RANBP2: variants seen among roughly 807,000 people sequenced by gnomAD.
The protein encoded by RANBP2 is RAN binding protein 2.
RANBP2 carries 57 observed loss-of-function variants against 303.6 expected under a neutral mutation model. That is an observed-to-expected ratio of 0.19 (90% CI 0.15 to 0.23). RANBP2 has a LOEUF of 0.23. RANBP2 is among the 10% of genes least tolerant of loss of function. RANBP2 has a pLI of 1.00. For synonymous variants in RANBP2, 1,167 were observed against 1,301.5 expected (o/e 0.90, Z 2.23); for missense variants, 3,138 against 3,780.8 (o/e 0.83, Z 4.46).
chr2:108,761,234 A>G (rs1676710014), intron 18 of RANBP2, among the ~76,000 whole-genome samples: 1 of 148,798 alleles, frequency 6.7e-6, no homozygotes, highest in East Asian at 1.9e-4. Flanking sequence ...TCCTCCCCAT[A>G]GTAATTTCAA....
At chr2:109,468,128 G>A in the RANBP2 span, among the ~76,000 whole-genome samples, 2,480 of 152,306 alleles carry the variant, frequency 0.016, 70 homozygotes, top group African/African-American at 0.057. Flanking sequence ...AAAACGCGTC[G>A]TTTGGTGATT....
At chr2:109,614,548 G>C in the RANBP2 span, 1 of 1,318,640 alleles carries the variant, frequency 7.6e-7, no homozygotes, top group Non-Finnish European at 9.6e-7. Flanking sequence ...GCGGTGCTGC[G>C]CTTCCTGGCG....
the RANBP2 span, among the ~76,000 whole-genome samples, chr2:109,607,989 G>A: frequency 6.6e-6 from 1 of 152,320 alleles, no homozygotes; most frequent in East Asian, 1.9e-4. Context: ...TTCAATGTCT[G>A]TTTCTGAAGC....
At chr2:109,011,627 G>A in the RANBP2 span, among the ~76,000 whole-genome samples, 2 of 152,138 alleles carry the variant, frequency 1.3e-5, no homozygotes, top group African/African-American at 4.8e-5. Context: ...CTATGGAACT[G>A]CTGTTATGAG....
At chr2:109,224,586 A>C in the RANBP2 span, among the ~76,000 whole-genome samples, 1 of 152,198 alleles carries the variant, frequency 6.6e-6, no homozygotes. Context: ...TGCCAGGCGC[A>C]GTGGCTCACA....
At chr2:108,854,489 A>G in the RANBP2 span, among the ~76,000 whole-genome samples, 3 of 152,274 alleles carry the variant, frequency 2.0e-5, no homozygotes, top group East Asian at 3.9e-4. Context: ...TTTAGCTACT[A>G]TTGTTATCAG....
At chr2:108,887,467 G>A in the RANBP2 span, among the ~76,000 whole-genome samples, 7 of 152,078 alleles carry the variant, frequency 4.6e-5, no homozygotes, top group East Asian at 1.2e-3. Context: ...TTTGGGCAAC[G>A]TGGTTATTTT....
the RANBP2 span, among the ~76,000 whole-genome samples, chr2:109,318,432 A>C: frequency 2.0e-5 from 3 of 152,144 alleles, no homozygotes; most frequent in African/African-American, 7.2e-5. Context: ...GAATTGTGTG[A>C]GGCCTCCTCT....
the RANBP2 span, among the ~76,000 whole-genome samples, chr2:109,392,368 C>T: frequency 6.6e-6 from 1 of 152,172 alleles, no homozygotes. Context: ...GAACAGGTCA[C>T]TTAACCTCTC....
chr2:108,752,194 A>C (rs1310042900), intron 12 of RANBP2, among the ~76,000 whole-genome samples, 200 bp downstream of exon 12: 1 of 152,080 alleles, frequency 6.6e-6, no homozygotes, highest in Non-Finnish European at 1.5e-5. Flanking sequence ...AGTGAATGTT[A>C]CATATTAGCT....
At chr2:109,377,681 A>T in the RANBP2 span, among the ~76,000 whole-genome samples, 220 of 152,284 alleles carry the variant, frequency 1.4e-3, no homozygotes, top group Non-Finnish European at 9.6e-4. Flanking sequence ...GTTCCTGCTG[A>T]TGGCCATTTC....
the RANBP2 span, among the ~76,000 whole-genome samples, chr2:109,315,303 T>G: frequency 6.6e-6 from 1 of 152,146 alleles, no homozygotes; most frequent in African/African-American, 2.4e-5. Flanking sequence ...GGGCCCTGGG[T>G]CCAACACCAA....
chr2:109,539,934 T>TG, the RANBP2 span, among the ~76,000 whole-genome samples: 3 of 152,300 alleles, frequency 2.0e-5, no homozygotes, highest in Middle Eastern at 3.4e-3. Context: ...CACCAGTTGA[T>TG]GGACACTTGG....
chr2:109,183,747 A>T, the RANBP2 span, among the ~76,000 whole-genome samples: 1 of 152,228 alleles, frequency 6.6e-6, no homozygotes, highest in African/African-American at 2.4e-5. Context: ...TCCTCCCAGC[A>T]GCTCGGTCAG....
At chr2:109,588,305 G>A in the RANBP2 span, among the ~76,000 whole-genome samples, 1 of 152,134 alleles carries the variant, frequency 6.6e-6, no homozygotes, top group South Asian at 2.1e-4. Flanking sequence ...AAGATCATCA[G>A]AAAGGTAAAT....
the RANBP2 span, among the ~76,000 whole-genome samples, chr2:108,925,408 C>T: frequency 6.6e-6 from 1 of 152,346 alleles, no homozygotes; most frequent in East Asian, 1.9e-4. Flanking sequence ...GGATGCACAA[C>T]ACCCGGCTTT....
At chr2:109,482,837 G>A in the RANBP2 span, among the ~76,000 whole-genome samples, 267 of 152,254 alleles carry the variant, frequency 1.8e-3, 2 homozygotes, top group African/African-American at 5.7e-3. Context: ...ACAAGCTAGA[G>A]AAGCACAATA....
the RANBP2 span, chr2:109,347,896 G>T: frequency 1.9e-6 from 3 of 1,611,666 alleles, no homozygotes; most frequent in Non-Finnish European, 2.5e-6. Flanking sequence ...AGCACTTTAT[G>T]ATTTCGAGAT....
chr2:109,304,453 G>A, the RANBP2 span, among the ~76,000 whole-genome samples: 48,065 of 151,714 alleles, frequency 0.32, 9,525 homozygotes, highest in African/African-American at 0.57. Flanking sequence ...GCCCCACGTT[G>A]TCTGCTAGGG....
Sources: gnomAD v4.1 joint callset for allele counts (sites outside exome capture counted in the v4.1 genomes callset) on GRCh38, gnomAD v4.1.1 for gene constraint, MANE v1.5 for transcripts, NCBI Gene and HGNC (gene_info 2026-07-23, HGNC 2026-07-21) for gene names.